Variants in PRKAG2 observed in about 807,000 individuals in gnomAD.
The protein encoded by PRKAG2 is protein kinase AMP-activated non-catalytic subunit gamma 2, also known as 5'-AMP-activated protein kinase subunit gamma-2.
A neutral mutation model predicts 69.6 loss-of-function variants in PRKAG2; 26 were observed. The observed-to-expected ratio is 0.37, with a 90% CI of 0.27 to 0.52. PRKAG2 has a LOEUF of 0.52. Ranked by LOEUF, PRKAG2 falls within the 20% of genes least tolerant of loss-of-function variation. PRKAG2 has a pLI of 0.90. For missense variants in PRKAG2, 557 were observed against 740.0 expected, an observed-to-expected ratio of 0.75 and a Z score of 2.87; for synonymous variants, 293 against 285.0, an observed-to-expected ratio of 1.03 and a Z score of -0.28.
chr7:151,602,082 C>A (rs928324325), intron 5 of PRKAG2, among the ~76,000 whole-genome samples: 5 of 152,232 alleles, frequency 3.3e-5, no homozygotes, highest in African/African-American at 1.2e-4. Flanking sequence ...AGATCTGGTC[C>A]GTGTCCGCCA....
chr7:151,800,334 G>T (rs1586593892), intron 1 of PRKAG2, among the ~76,000 whole-genome samples: 2 of 150,408 alleles, frequency 1.3e-5, no homozygotes, highest in Admixed American at 1.3e-4. Context: ...CTCCAGCCTG[G>T]GCGACAGAGC....
At chr7:151,870,777 C>T (rs2080202576) in intron 1 of PRKAG2, among the ~76,000 whole-genome samples, 1 of 152,220 alleles carries the variant, frequency 6.6e-6, no homozygotes, top group African/African-American at 2.4e-5. Context: ...CTTCTCGCAG[C>T]GCGGGGCTTC....
chr7:151,795,988 A>G (rs1269712593), intron 1 of PRKAG2, among the ~76,000 whole-genome samples: 1 of 148,582 alleles, frequency 6.7e-6, no homozygotes, highest in Non-Finnish European at 1.5e-5. Flanking sequence ...AAATATGTAT[A>G]TTAAGGAGAT....
At chr7:151,662,742 A>T (rs188750160) in intron 4 of PRKAG2, among the ~76,000 whole-genome samples, 19 of 152,096 alleles carry the variant, frequency 1.2e-4, no homozygotes, top group African/African-American at 4.6e-4. Context: ...CTCTTCAACA[A>T]CAGAAAAAAA....
chr7:151,562,872 T>G (rs1382811995), intron 14 of PRKAG2, among the ~76,000 whole-genome samples: 3 of 151,464 alleles, frequency 2.0e-5, no homozygotes, highest in Non-Finnish European at 4.4e-5. Flanking sequence ...GGAGAATCGC[T>G]TGAACCTGGG....
intron 3 of PRKAG2, among the ~76,000 whole-genome samples, chr7:151,700,946 G>A (rs147586730): frequency 6.6e-6 from 1 of 152,326 alleles, no homozygotes; most frequent in East Asian, 1.9e-4. Flanking sequence ...GATGTCCCAG[G>A]CATTTCCACA....
chr7:151,810,711 G>T (rs1439550037), intron 1 of PRKAG2: 1 of 153,776 alleles, frequency 6.5e-6, no homozygotes, highest in African/African-American at 2.4e-5. Flanking sequence ...TGACTAAGGA[G>T]CTGCAGCCAT....
chr7:151,744,249 C>T (rs951260045), intron 3 of PRKAG2, among the ~76,000 whole-genome samples: 15 of 152,234 alleles, frequency 9.9e-5, no homozygotes, highest in African/African-American at 2.9e-4. Flanking sequence ...CCCGGGGCCA[C>T]GTTCCCACGG....
In PRKAG2 at chr7:151,870,154, T is replaced by TAGGC. The variant is rs200063326; in HGVS notation, c.114+6349_114+6352dup. On this transcript the variant is annotated intron_variant, in intron 1 of 15. Transcript: ENST00000287878. ...ATAGATAGATAGATAGATAGATAGA[T>TAGGC]AGGCAGGCAGGCAGGCAGGCAGGCA... Among the ~76,000 whole-genome samples the TAGGC allele has an allele frequency of 4.4e-3, 603 of 138,376 alleles. 10 individuals are homozygous for TAGGC. The highest frequency in any genetic ancestry group is 0.014 in the African/African-American group (502 of 36,210). The allele number at this position is 138,376 out of a possible 152,430, so 90.8% of individuals were successfully genotyped here.
chr7:151,800,217 G>C (rs1424961016), intron 1 of PRKAG2, among the ~76,000 whole-genome samples: 1 of 152,108 alleles, frequency 6.6e-6, no homozygotes, highest in Non-Finnish European at 1.5e-5. Flanking sequence ...AATTAGCCAG[G>C]TGTGGTGGCG....
At chr7:151,666,518 T>C (rs1478112543) in intron 4 of PRKAG2, among the ~76,000 whole-genome samples, 7 of 152,224 alleles carry the variant, frequency 4.6e-5, no homozygotes, top group Non-Finnish European at 1.0e-4. Context: ...CAAACTAATA[T>C]AGTATCTCTT....
intron 3 of PRKAG2, among the ~76,000 whole-genome samples, chr7:151,707,568 G>A (rs553167675): frequency 2.6e-5 from 4 of 152,172 alleles, no homozygotes; most frequent in South Asian, 4.1e-4. Context: ...TCTCTGGCTC[G>A]CACCCATCAC....
At chr7:151,594,713 T>C (rs537273098) in intron 6 of PRKAG2, among the ~76,000 whole-genome samples, 13 of 152,298 alleles carry the variant, frequency 8.5e-5, no homozygotes, top group African/African-American at 3.1e-4. Context: ...CTAACACACA[T>C]TAGACAGGCC....
In PRKAG2 at chr7:151,770,591, T is replaced by C. The variant is rs569657709; in HGVS notation, c.466+10561A>G. Among the ~76,000 whole-genome samples, 18 of 152,308 alleles carry C rather than the reference T, an allele frequency of 1.2e-4. 1 individual carries two copies. Among genetic ancestry groups the C allele is most frequent in the Admixed American group, 1.2e-3 (18 of 15,308 alleles). On this transcript the variant is annotated intron_variant, in intron 3 of 15. Coordinates refer to ENST00000287878, the MANE Select transcript of PRKAG2 (RefSeq NM_016203.4). ...TTAAAGAAGTGATCCTTTCCAAATG[T>C]AGGAACCTTATCATTCTTCAACTGA...
chr7:151,814,702 G>A lies in PRKAG2; in HGVS notation c.115-28161C>T. 1.6e-6 allele frequency: 2 copies of A among 1,231,812 alleles called. No homozygotes were observed. Among genetic ancestry groups the A allele is most frequent in the Non-Finnish European group, 2.0e-6 (2 of 987,988 alleles). The allele number at this position is 1,231,812 out of a possible 1,614,324, so 76.3% of individuals were successfully genotyped here. On this transcript the variant is annotated intron_variant, in intron 1 of 15. Coordinates refer to ENST00000287878, the MANE Select transcript of PRKAG2 (RefSeq NM_016203.4). The surrounding 1 kb of genome is among the most constrained non-coding windows in gnomAD (Gnocchi z 4.8). ...CCCAGTCCCCAAGGCAGCGCAACAA[G>A]CGGCTGGCAGACAGCATGGGCTGGC...
chr7:151,628,062 C>G (rs1860738), intron 5 of PRKAG2, among the ~76,000 whole-genome samples: 18,483 of 152,166 alleles, frequency 0.12, 1,307 homozygotes, highest in African/African-American at 0.17. Context: ...AGAGGAGAGA[C>G]AGTCAGTCTG....
chr7:151,711,012 T>C (rs1318593618), intron 3 of PRKAG2, among the ~76,000 whole-genome samples: 1 of 152,114 alleles, frequency 6.6e-6, no homozygotes. Context: ...AGTACTAACA[T>C]GCTAGGGTTA....
chr7:151,621,733 C>T (rs1585286524), intron 5 of PRKAG2, among the ~76,000 whole-genome samples: 1 of 151,926 alleles, frequency 6.6e-6, no homozygotes, highest in Non-Finnish European at 1.5e-5. Context: ...CCACCACACC[C>T]GGATAGTTTT....
At chr7:151,560,227 G>C in intron 15 of PRKAG2, 2 of 1,270,378 alleles carry the variant, frequency 1.6e-6, no homozygotes, top group South Asian at 3.1e-5. Context: ...CAATTGAAGA[G>C]GTCTTTTCAG....
Sources: allele counts gnomAD v4.1 joint callset (sites outside exome capture counted in the v4.1 genomes callset), GRCh38; gene constraint gnomAD v4.1.1; non-coding constraint Gnocchi (gnomAD v3.1); transcripts MANE v1.5; gene names NCBI Gene and HGNC (gene_info 2026-07-23, HGNC 2026-07-21).